KIF26B: variants seen among roughly 807,000 people sequenced by gnomAD.
The protein encoded by KIF26B is kinesin-like protein KIF26B.
Under a neutral mutation model 151.2 loss-of-function variants are expected in KIF26B, and 63 were observed. The observed-to-expected ratio is 0.42, with a 90% CI of 0.34 to 0.51. The LOEUF (loss-of-function observed/expected upper bound fraction) is 0.51, where lower values mean the gene tolerates loss of function less well. KIF26B is among the 20% of genes least tolerant of loss of function. The probability of loss-of-function intolerance (pLI) is 0.07; values close to 1 mark genes in which losing one functional copy is unlikely to be tolerated. For synonymous variants in KIF26B, 1,357 were observed against 1,262.1 expected (o/e 1.08, Z -1.59); for missense variants, 2,813 against 2,913.6 (o/e 0.97, Z 0.79).
chr1:245,467,988 T>C (rs1199218853), intron 4 of KIF26B, among the ~76,000 whole-genome samples: 1 of 146,632 alleles, frequency 6.8e-6, no homozygotes, highest in African/African-American at 2.5e-5. Context: ...GGCCCTTTGG[T>C]GAGAGCCAGG....
chr1:245,470,317 C>T (rs552762102), intron 4 of KIF26B, among the ~76,000 whole-genome samples: 2 of 152,132 alleles, frequency 1.3e-5, no homozygotes, highest in Admixed American at 6.5e-5. Flanking sequence ...GAATCTGGAT[C>T]GGGTGGACAT....
At chr1:245,288,656 G>A (rs1170209725) in intron 2 of KIF26B, among the ~76,000 whole-genome samples, 1 of 152,210 alleles carries the variant, frequency 6.6e-6, no homozygotes, top group East Asian at 1.9e-4. Flanking sequence ...AATGGCTTAA[G>A]TCTAAATGAG....
chr1:245,225,307 C>T (rs1356634073), intron 2 of KIF26B, among the ~76,000 whole-genome samples: 1 of 152,134 alleles, frequency 6.6e-6, no homozygotes, highest in Non-Finnish European at 1.5e-5. Flanking sequence ...CTGGGGGTGC[C>T]CTTTGCCATA....
At chr1:245,675,944 G>A (rs1319003183) in intron 10 of KIF26B, among the ~76,000 whole-genome samples, 2 of 152,082 alleles carry the variant, frequency 1.3e-5, no homozygotes, top group Non-Finnish European at 2.9e-5. Flanking sequence ...TAATAATTGA[G>A]GCTATTCAGA....
chr1:245,346,892 G>T (rs75205981), intron 2 of KIF26B, among the ~76,000 whole-genome samples: 1 of 152,032 alleles, frequency 6.6e-6, no homozygotes, highest in Non-Finnish European at 1.5e-5. Context: ...CCTACCTCAT[G>T]TCTTCATGTC....
At chr1:245,268,868 A>G (rs971980316) in intron 2 of KIF26B, among the ~76,000 whole-genome samples, 1 of 152,172 alleles carries the variant, frequency 6.6e-6, no homozygotes, top group Non-Finnish European at 1.5e-5. Flanking sequence ...TAAAACTGGG[A>G]CAGTTCTGAG....
intron 10 of KIF26B, among the ~76,000 whole-genome samples, chr1:245,652,110 G>C (rs1008268962): frequency 1.6e-5 from 1 of 60,670 alleles, no homozygotes; most frequent in African/African-American, 4.3e-5. Flanking sequence ...ATCTGTGTGT[G>C]TGTGTGTGTG....
intron 2 of KIF26B, among the ~76,000 whole-genome samples, chr1:245,275,064 T>C (rs1670915733): frequency 6.6e-6 from 1 of 152,256 alleles, no homozygotes; most frequent in African/African-American, 2.4e-5. Context: ...TTTGCATTTC[T>C]CTAATGACCT....
In KIF26B at chr1:245,313,656, C is replaced by T. The variant is rs192194359; in HGVS notation, c.466-53178C>T. ...AACCATGTCCCTGTCACAGATCCCG[C>T]GGCAAGCATTCACACCACCTGGAAT... On this transcript the variant is annotated intron_variant, in intron 2 of 14. Coordinates refer to ENST00000407071, the MANE Select transcript of KIF26B (RefSeq NM_018012.4). Among the ~76,000 whole-genome samples the T allele has an allele frequency of 3.9e-5, 6 of 152,310 alleles. No homozygotes were observed. The East Asian group carries it at 7.7e-4, about 20-fold the overall frequency.
chr1:245,283,428 G>GT (rs761023290), intron 2 of KIF26B, among the ~76,000 whole-genome samples: 2 of 152,022 alleles, frequency 1.3e-5, no homozygotes, highest in African/African-American at 4.8e-5. Flanking sequence ...TTCACCATCT[G>GT]TTTTTTTCTT....
chr1:245,605,666 G>T (rs1235878017), intron 6 of KIF26B, among the ~76,000 whole-genome samples: 2 of 152,122 alleles, frequency 1.3e-5, no homozygotes, highest in African/African-American at 2.4e-5. Flanking sequence ...TCCCATGGGG[G>T]CTGTGCTCGA....
intron 3 of KIF26B, among the ~76,000 whole-genome samples, chr1:245,416,004 C>A (rs572220488): frequency 2.0e-5 from 3 of 151,370 alleles, no homozygotes; most frequent in Non-Finnish European, 4.4e-5. Context: ...CGGTGGCTCA[C>A]GCCTGTAATC....
intron 2 of KIF26B, among the ~76,000 whole-genome samples, chr1:245,195,908 C>A (rs1400506937): frequency 3.3e-5 from 5 of 152,128 alleles, no homozygotes; most frequent in Non-Finnish European, 7.3e-5. Flanking sequence ...TTGAGAAAAG[C>A]TCTAATAGAT....
rs201847058 is a variant in KIF26B, at chr1:245,698,946, C to T, written c.6087C>T (p.Ala2029=). 160 of 1,614,020 alleles carry T rather than the reference C, an allele frequency of 9.9e-5. 1 individual carries two copies. The African/African-American group carries it at 1.0e-3, about 10-fold the overall frequency. The change falls in exon 14 of 15, where the codon GCC becomes GCT. Residue 2029 remains alanine, a synonymous_variant. Transcript: ENST00000407071. This position sits in a 1 kb window ranked among gnomAD's most constrained non-coding sequence, Gnocchi z 4.0. ...TGGAACACCGCCAGCAGAGGATCGC[C>T]GAGGTCCGCGCGAAGTACGAGTGGC... The part of the protein sequence containing the change: ...KILEHRQQRI[A]EVRAKYEWLM...
chr1:245,433,997 A>T (rs977262868), intron 4 of KIF26B, among the ~76,000 whole-genome samples: 3 of 152,088 alleles, frequency 2.0e-5, no homozygotes, highest in African/African-American at 4.8e-5. Context: ...TTTTTTTTTA[A>T]AAAATGAACA....
At chr1:245,463,996 ACCT>A (rs1201764317) in intron 4 of KIF26B, among the ~76,000 whole-genome samples, 1 of 151,604 alleles carries the variant, frequency 6.6e-6, no homozygotes, top group Non-Finnish European at 1.5e-5. Flanking sequence ...CAAAACCATC[ACCT>A]CCTCCTCCTC....
In KIF26B at chr1:245,318,745, C is replaced by T. The variant is rs745677307; in HGVS notation, c.466-48089C>T. Among the ~76,000 whole-genome samples, 119 of 152,164 alleles carry T rather than the reference C, an allele frequency of 7.8e-4. No homozygotes were observed. Among genetic ancestry groups the T allele is most frequent in the African/African-American group, 2.8e-3 (116 of 41,504 alleles). ...TCAATTCCCCAGGCTGCTGTGTGTCCGTCATCCCTGAAATTTCATGAGGCC... is the reference window on the plus strand; with the variant it reads ...TCAATTCCCCAGGCTGCTGTGTGTCTGTCATCCCTGAAATTTCATGAGGCC... On this transcript the variant is annotated intron_variant, in intron 2 of 14. Transcript: ENST00000407071. This position sits in a 1 kb window ranked among gnomAD's most constrained non-coding sequence, Gnocchi z 4.0.
chr1:245,515,411 C>T (rs1456466398), intron 4 of KIF26B, among the ~76,000 whole-genome samples: 3 of 152,134 alleles, frequency 2.0e-5, no homozygotes, highest in South Asian at 2.1e-4. Flanking sequence ...GTGTCAAGAC[C>T]GGGCAGCACT....
chr1:245,613,984 G>A (rs2043556554), intron 9 of KIF26B, among the ~76,000 whole-genome samples: 1 of 152,120 alleles, frequency 6.6e-6, no homozygotes, highest in African/African-American at 2.4e-5. Flanking sequence ...TGGCAACCAC[G>A]GATCTGATTG....
Sources: gnomAD v4.1 joint callset for allele counts (sites outside exome capture counted in the v4.1 genomes callset) on GRCh38, gnomAD v4.1.1 for gene constraint, Gnocchi (gnomAD v3.1) non-coding constraint, MANE v1.5 for transcripts, NCBI Gene and HGNC (gene_info 2026-07-23, HGNC 2026-07-21) for gene names.